The following KCNQ1OT1 variants were observed in gnomAD, a reference collection of about 807,000 sequenced individuals.
KCNQ1OT1 encodes KCNQ1 antisense RNA 2 (non-protein coding).
exon 1 of KCNQ1OT1, chr11:2,696,970 T>A (rs1850687460): frequency 2.5e-6 from 1 of 394,420 alleles, no homozygotes; most frequent in South Asian, 1.3e-4. Flanking sequence ...AGTTCCTTAA[T>A]TTTTTTTTTC....
chr11:2,615,559 C>T, exon 1 of KCNQ1OT1: 1 of 397,886 alleles, frequency 2.5e-6, no homozygotes, highest in Non-Finnish European at 4.4e-6. Context: ...CTCTTTAACA[C>T]ATTTTGAAAG....
Position 2,661,685 on chromosome 11 carries a change from G to A in KCNQ1OT1, n.38310C>T. On this transcript the variant is annotated non_coding_transcript_exon_variant, in exon 1 of 1. Coordinates refer to ENST00000597346, the Ensembl canonical transcript of KCNQ1OT1. The surrounding 1 kb of genome is among the most constrained non-coding windows in gnomAD (Gnocchi z 5.9). ...AGGCCCAGAACCTGAGGTGGGGAGA[G>A]TCTTGGACACCTGAGCACAGCCCCA... is the stretch of plus-strand genomic sequence containing the variant. 5.0e-6 allele frequency: 3 copies of A among 601,666 alleles called. No homozygotes were observed. In the South Asian group the frequency reaches 5.9e-5, roughly 12 times the overall value. 37.3% of individuals were successfully genotyped at this position (601,666 alleles called of 1,614,324 possible). A position where few individuals can be genotyped will look rare whatever the true frequency, so the allele number is the denominator to read the frequency against.
Position 2,682,744 on chromosome 11 carries a change from C to T in KCNQ1OT1, n.17251G>A. 1 of 398,698 alleles carries T rather than the reference C, an allele frequency of 2.5e-6. No individual in the cohort carries two copies. The highest frequency in any genetic ancestry group is 4.4e-6 in the Non-Finnish European group (1 of 226,102). 24.7% of individuals were successfully genotyped at this position (398,698 alleles called of 1,614,324 possible). ...AAAGAATCTCTTCCCCTTGAGCCCA[C>T]TCATCTCTGTTGACATTCTAGAAAT... is the stretch of plus-strand genomic sequence containing the variant. On this transcript the variant is annotated non_coding_transcript_exon_variant, in exon 1 of 1. Transcript: ENST00000597346. This position sits in a 1 kb window ranked among gnomAD's most constrained non-coding sequence, Gnocchi z 5.8.
At chr11:2,680,077 A>G (rs1487544126) in exon 1 of KCNQ1OT1, 2 of 395,492 alleles carry the variant, frequency 5.1e-6, no homozygotes, top group Non-Finnish European at 4.4e-6. Context: ...TTTTTATTAG[A>G]GACAGGGTTT....
Position 2,691,628 on chromosome 11 carries a change from G to T in KCNQ1OT1, n.8367C>A, listed in dbSNP as rs188979094. 2.5e-6 allele frequency: 1 copy of T among 398,568 alleles called. No individual in the cohort carries two copies. Among genetic ancestry groups the T allele is most frequent in the Non-Finnish European group, 4.4e-6 (1 of 226,058 alleles). The allele number at this position is 398,568 out of a possible 1,614,324, so 24.7% of individuals were successfully genotyped here. ...AGCTTGTTCCCTGCACGTACTGTGG[G>T]GAGGTCCTCTTTACCGCCACAGTTC... On this transcript the variant is annotated non_coding_transcript_exon_variant, in exon 1 of 1. Coordinates refer to ENST00000597346, the Ensembl canonical transcript of KCNQ1OT1. This position sits in a 1 kb window ranked among gnomAD's most constrained non-coding sequence, Gnocchi z 6.4.
Position 2,668,885 on chromosome 11 carries a change from C to G in KCNQ1OT1, n.31110G>C. Reference sequence around the variant, plus strand: ...TAAGAAACTTTGACTACTCCAAGGTCATAAAGATATTCTGGTTTATTCTAA... The same window carrying G: ...TAAGAAACTTTGACTACTCCAAGGTGATAAAGATATTCTGGTTTATTCTAA... On this transcript the variant is annotated non_coding_transcript_exon_variant, in exon 1 of 1. Coordinates refer to ENST00000597346, the Ensembl canonical transcript of KCNQ1OT1. The surrounding 1 kb of genome is among the most constrained non-coding windows in gnomAD (Gnocchi z 4.3). 2.5e-6 allele frequency: 1 copy of G among 398,620 alleles called. No individual in the cohort carries two copies. The highest frequency in any genetic ancestry group is 4.4e-6 in the Non-Finnish European group (1 of 226,054). The allele number at this position is 398,620 out of a possible 1,614,324, so 24.7% of individuals were successfully genotyped here.
rs935245026 is a variant in KCNQ1OT1, at chr11:2,674,175, G to C, written n.25820C>G. ...AAGGGAAGGAATGTGACCAAGGCTG[G>C]GTGTGGCTGGGGAGAGCACAGCCAG... On this transcript the variant is annotated non_coding_transcript_exon_variant, in exon 1 of 1. Transcript: ENST00000597346. The surrounding 1 kb of genome is among the most constrained non-coding windows in gnomAD (Gnocchi z 5.9). The C allele has an allele frequency of 2.5e-6, 1 of 398,604 alleles. No individual in the cohort carries two copies. 24.7% of individuals were successfully genotyped at this position (398,604 alleles called of 1,614,324 possible). A position where few individuals can be genotyped will look rare whatever the true frequency, so the allele number is the denominator to read the frequency against.
chr11:2,609,275 AC>A, exon 1 of KCNQ1OT1: 1 of 398,252 alleles, frequency 2.5e-6, no homozygotes, highest in Non-Finnish European at 4.4e-6. Context: ...GAATTCTTTC[AC>A]CCATTGATTA....
At chr11:2,630,280 AT>A (rs1308084255) in exon 1 of KCNQ1OT1, 6 of 398,094 alleles carry the variant, frequency 1.5e-5, no homozygotes, top group South Asian at 1.3e-4. Flanking sequence ...GTGATATATG[AT>A]TTTTTTAATG....
At chr11:2,662,926 A>G (rs2133857674) in exon 1 of KCNQ1OT1, 2 of 398,602 alleles carry the variant, frequency 5.0e-6, no homozygotes, top group East Asian at 7.1e-5. Context: ...GTCCTGAGCC[A>G]TGTGTGTCTT....
exon 1 of KCNQ1OT1, chr11:2,633,077 G>T (rs1849389484): frequency 5.0e-6 from 2 of 398,252 alleles, no homozygotes; most frequent in African/African-American, 4.1e-5. Flanking sequence ...GCCAGCATTT[G>T]TTATGTTTTG....
chr11:2,693,528 C>G (rs533497180), exon 1 of KCNQ1OT1: 3 of 398,664 alleles, frequency 7.5e-6, no homozygotes, highest in African/African-American at 2.1e-5. Flanking sequence ...GGCTGAGGCC[C>G]GGGCTGCTAG....
chr11:2,675,469 A>G (rs1348621171), exon 1 of KCNQ1OT1: 1 of 398,590 alleles, frequency 2.5e-6, no homozygotes, highest in Non-Finnish European at 4.4e-6. Context: ...AAAAAGTTAC[A>G]TAAAAACGTA....
rs116980763 is a variant in KCNQ1OT1 at position 2,675,496 on chromosome 11, T to C, written n.24499A>G. 2.0e-3 allele frequency: 790 copies of C among 398,666 alleles called. 9 individuals carry two copies. The East Asian group carries it at 0.024, about 12-fold the overall frequency. The allele number at this position is 398,666 out of a possible 1,614,324, so 24.7% of individuals were successfully genotyped here. On this transcript the variant is annotated non_coding_transcript_exon_variant, in exon 1 of 1. Transcript: ENST00000597346. The stretch of plus-strand genomic sequence containing the variant: ...AAAAACGTAAATATTTCATGAGACA[T>C]AGCAGTCACAACATGCCATACACAT...
chr11:2,647,344 T>G lies in KCNQ1OT1; in HGVS notation n.52651A>C. ...TAAATCCCACTTGATTATGGTGTAT[T>G]ATCTTTTTGATGTGCGATTGGATTC... On this transcript the variant is annotated non_coding_transcript_exon_variant, in exon 1 of 1. Transcript: ENST00000597346. The surrounding 1 kb of genome is among the most constrained non-coding windows in gnomAD (Gnocchi z 4.0). The G allele has an allele frequency of 2.5e-6, 1 of 398,618 alleles. No homozygotes were observed. Among genetic ancestry groups the G allele is most frequent in the Non-Finnish European group, 4.4e-6 (1 of 226,058 alleles). 24.7% of individuals were successfully genotyped at this position (398,618 alleles called of 1,614,324 possible). A position where few individuals can be genotyped will look rare whatever the true frequency, so the allele number is the denominator to read the frequency against.
chr11:2,699,939 G>A (rs1850765785), exon 1 of KCNQ1OT1: 1 of 398,176 alleles, frequency 2.5e-6, no homozygotes, highest in South Asian at 1.3e-4. Flanking sequence ...GCCCTGGCAG[G>A]ATCTTGCTGA....
In KCNQ1OT1 at chr11:2,653,967, G is replaced by C; in HGVS notation, n.46028C>G. On this transcript the variant is annotated non_coding_transcript_exon_variant, in exon 1 of 1. Transcript: ENST00000597346. This position sits in a 1 kb window ranked among gnomAD's most constrained non-coding sequence, Gnocchi z 5.3. ...GCAAAAACAACAGGTGTCCACTCAA[G>C]CAAGGTATTTTCCTAAGCGGAACTG... The C allele has an allele frequency of 2.5e-6, 1 of 398,688 alleles. No homozygotes were observed. Among genetic ancestry groups the C allele is most frequent in the Non-Finnish European group, 4.4e-6 (1 of 226,074 alleles). The allele number at this position is 398,688 out of a possible 1,614,324, so 24.7% of individuals were successfully genotyped here.
At chr11:2,640,547 A>G in exon 1 of KCNQ1OT1, 1 of 381,380 alleles carries the variant, frequency 2.6e-6, no homozygotes, top group Non-Finnish European at 4.5e-6. Flanking sequence ...TGGCCCCCCA[A>G]AGCACTGGGA....
rs548782408 is a variant in KCNQ1OT1, at chr11:2,657,683, C to G, written n.42312G>C. The G allele has an allele frequency of 1.8e-5, 7 of 398,458 alleles. No homozygotes were observed. The allele number at this position is 398,458 out of a possible 1,614,324, so 24.7% of individuals were successfully genotyped here. On this transcript the variant is annotated non_coding_transcript_exon_variant, in exon 1 of 1. Coordinates refer to ENST00000597346, the Ensembl canonical transcript of KCNQ1OT1. The surrounding 1 kb of genome is among the most constrained non-coding windows in gnomAD (Gnocchi z 4.8). ...CAGTTTAACTACTAATGTCCTTTTT[C>G]TGTTCCAAGATCCCATCTAGGATCG... is the stretch of plus-strand genomic sequence containing the variant.
Sources: allele counts gnomAD v4.1 joint callset, GRCh38; gene constraint gnomAD v4.1.1; non-coding constraint Gnocchi (gnomAD v3.1); transcripts MANE v1.5; gene names NCBI Gene and HGNC (gene_info 2026-07-23, HGNC 2026-07-21).